The following GSE1 variants were observed in gnomAD, a reference collection of about 807,000 sequenced individuals.
GSE1 encodes the protein Gse1 coiled-coil protein.
GSE1 carries 32 observed loss-of-function variants against 112.6 expected under a neutral mutation model. The ratio of observed to expected loss-of-function variants is 0.28; its 90% CI spans 0.21 to 0.38. The LOEUF is 0.38. GSE1 is among the 10% of genes least tolerant of loss of function. The pLI is 1.00. For synonymous variants in GSE1, 1,115 were observed against 735.6 expected (o/e 1.52, Z -8.35); for missense variants, 2,348 against 1,699.2 (o/e 1.38, Z -6.71).
chr16:85,424,363 G>T (rs937043729), intron 2 of GSE1, among the ~76,000 whole-genome samples: 1 of 152,216 alleles, frequency 6.6e-6, no homozygotes, highest in Non-Finnish European at 1.5e-5. Context: ...CGGGGCTCAT[G>T]GGGAGGCTGG....
chr16:85,413,970 C>T (rs561228732), intron 2 of GSE1, among the ~76,000 whole-genome samples: 88 of 152,304 alleles, frequency 5.8e-4, no homozygotes, highest in African/African-American at 2.0e-3. Flanking sequence ...GAAGAGGGCA[C>T]CTTGCTTCTC....
intron 1 of GSE1, among the ~76,000 whole-genome samples, chr16:85,558,134 A>C (rs958014244): frequency 6.6e-5 from 10 of 152,146 alleles, no homozygotes; most frequent in Non-Finnish European, 1.2e-4. Flanking sequence ...ACTCAGAGCT[A>C]TCTCTCCCAT....
At chr16:85,590,256 G>A (rs1164589779) in intron 1 of GSE1, among the ~76,000 whole-genome samples, 3 of 152,084 alleles carry the variant, frequency 2.0e-5, no homozygotes, top group Admixed American at 1.3e-4. Context: ...GGGCCCGCGT[G>A]TGAATGAGTG....
chr16:85,223,082 C>T (rs945866326), intron 1 of GSE1, among the ~76,000 whole-genome samples: 10 of 152,040 alleles, frequency 6.6e-5, no homozygotes, highest in African/African-American at 1.9e-4. Flanking sequence ...ACGGGGCCGG[C>T]GGAGTCAAGG....
chr16:85,616,608 G>A (rs977158880), intron 1 of GSE1, among the ~76,000 whole-genome samples: 42 of 152,112 alleles, frequency 2.8e-4, no homozygotes, highest in African/African-American at 9.7e-4. Flanking sequence ...CGGGAGAGCT[G>A]TTTTTTTAAC....
At chr16:85,636,285 C>G (rs1444060040) in intron 2 of GSE1, among the ~76,000 whole-genome samples, 1 of 152,198 alleles carries the variant, frequency 6.6e-6, no homozygotes, top group Non-Finnish European at 1.5e-5. Flanking sequence ...ACTCACCCAC[C>G]TCACCCCCTA....
At chr16:85,269,485 T>A (rs1047100866) in intron 1 of GSE1, among the ~76,000 whole-genome samples, 3 of 149,416 alleles carry the variant, frequency 2.0e-5, no homozygotes, top group Admixed American at 6.7e-5. Context: ...CTCACCCTTG[T>A]GTTCTACGGA....
At chr16:85,524,131 G>T (rs2052284918) in intron 2 of GSE1, among the ~76,000 whole-genome samples, 1 of 152,152 alleles carries the variant, frequency 6.6e-6, no homozygotes, top group South Asian at 2.1e-4. Context: ...GGGTGCAGGG[G>T]ACCTACACGT....
At chr16:85,210,941 G>C (rs929733902) in intron 1 of GSE1, among the ~76,000 whole-genome samples, 1 of 152,182 alleles carries the variant, frequency 6.6e-6, no homozygotes, top group African/African-American at 2.4e-5. Flanking sequence ...TCTGGGCCTC[G>C]GGTTCCTTCT....
intron 1 of GSE1, among the ~76,000 whole-genome samples, chr16:85,296,251 G>A (rs1452889636): frequency 6.6e-6 from 1 of 152,100 alleles, no homozygotes; most frequent in African/African-American, 2.4e-5. Context: ...TCCCACGCAC[G>A]GCTCATCATG....
chr16:85,481,070 G>A (rs565517709), intron 2 of GSE1, among the ~76,000 whole-genome samples: 13 of 152,264 alleles, frequency 8.5e-5, no homozygotes, highest in East Asian at 3.9e-4. Flanking sequence ...CGGTTTCGGC[G>A]TTTTTCTCCA....
intron 2 of GSE1, among the ~76,000 whole-genome samples, chr16:85,429,219 C>T (rs1163074748): frequency 6.6e-6 from 1 of 152,218 alleles, no homozygotes; most frequent in Non-Finnish European, 1.5e-5. Flanking sequence ...CCGCCCAGGA[C>T]CTGTGTCCGG....
chr16:85,608,235 G>A (rs2151517362), upstream of GSE1, among the ~76,000 whole-genome samples: 1 of 152,292 alleles, frequency 6.6e-6, no homozygotes, highest in African/African-American at 2.4e-5. Flanking sequence ...CGTAGGGCAG[G>A]GCTGGGGGCT....
At chr16:85,591,632 G>GA (rs2047006591) in intron 1 of GSE1, among the ~76,000 whole-genome samples, 1 of 152,258 alleles carries the variant, frequency 6.6e-6, no homozygotes, top group East Asian at 1.9e-4. Flanking sequence ...TGGGCTGGGG[G>GA]TGCTGGGGGC....
chr16:85,232,716 C>G (rs1904300425), intron 1 of GSE1, among the ~76,000 whole-genome samples: 1 of 152,266 alleles, frequency 6.6e-6, no homozygotes, highest in Non-Finnish European at 1.5e-5. Flanking sequence ...CTGTATGTGG[C>G]TCTTCTGCCC....
chr16:85,428,987 A>T (rs1037251632), intron 2 of GSE1, among the ~76,000 whole-genome samples: 1 of 152,136 alleles, frequency 6.6e-6, no homozygotes, highest in Admixed American at 6.5e-5. Context: ...ACCTTGGAGA[A>T]TCTCAGCTTC....
chr16:85,572,439 AACACACAGCACATACC>A (rs1400691124), intron 1 of GSE1, among the ~76,000 whole-genome samples: 1 of 136,086 alleles, frequency 7.3e-6, no homozygotes, highest in Admixed American at 7.6e-5. Context: ...CAGCACATAC[AACACACAGCACATACC>A]ACACACACAA....
chr16:85,554,974 C>A, upstream of GSE1: 3 of 985,406 alleles, frequency 3.0e-6, no homozygotes, highest in South Asian at 1.4e-4. Context: ...GCTTCCTGCG[C>A]CCCGCTCCCC....
chr16:85,287,873 G>C (rs1010660287), intron 1 of GSE1, among the ~76,000 whole-genome samples: 3 of 152,142 alleles, frequency 2.0e-5, no homozygotes, highest in Non-Finnish European at 4.4e-5. Flanking sequence ...GGCATCCCTA[G>C]GACTCAGAAT....
Sources: gnomAD v4.1 joint callset for allele counts (sites outside exome capture counted in the v4.1 genomes callset) on GRCh38, gnomAD v4.1.1 for gene constraint, MANE v1.5 for transcripts, NCBI Gene and HGNC (gene_info 2026-07-23, HGNC 2026-07-21) for gene names.